The following SYT6 variants were observed in gnomAD, a reference collection of about 807,000 sequenced individuals.
SYT6 encodes the protein synaptotagmin 6.
A neutral mutation model predicts 38.4 loss-of-function variants in SYT6; 24 were observed. The observed-to-expected ratio is 0.62, with a 90% confidence interval of 0.45 to 0.88. The LOEUF (loss-of-function observed/expected upper bound fraction) is 0.88, where lower values mean the gene tolerates loss of function less well. Ranked by LOEUF, SYT6 falls within the 40% of genes least tolerant of loss-of-function variation. The pLI is 0.00. For missense variants in SYT6, 611 were observed against 621.0 expected (o/e 0.98, Z 0.17); for synonymous variants, 265 against 241.9 (o/e 1.10, Z -0.89).
chr1:114,112,973 G>T (rs140859754), intron 3 of SYT6, among the ~76,000 whole-genome samples: 1 of 152,304 alleles, frequency 6.6e-6, no homozygotes, highest in African/African-American at 2.4e-5. Flanking sequence ...GTCTCCTGGG[G>T]CAGCTGAGGA....
intron 3 of SYT6, among the ~76,000 whole-genome samples, chr1:114,124,696 C>T (rs994443177): frequency 4.6e-5 from 7 of 152,114 alleles, no homozygotes; most frequent in Non-Finnish European, 5.9e-5. Flanking sequence ...AGAGGTGGAA[C>T]GTTGGTGGCA....
chr1:114,124,505 G>C (rs1040324175), intron 3 of SYT6, among the ~76,000 whole-genome samples: 1 of 152,114 alleles, frequency 6.6e-6, no homozygotes, highest in Admixed American at 6.5e-5. Context: ...GCTGGGGGCA[G>C]GTGCCCACCA....
At chr1:114,098,725 C>G (rs1320996395) in intron 5 of SYT6, among the ~76,000 whole-genome samples, 6 of 152,162 alleles carry the variant, frequency 3.9e-5, no homozygotes, top group Non-Finnish European at 1.5e-5. Flanking sequence ...GGAGGCTGCA[C>G]AGCCATCCCA....
intron 3 of SYT6, among the ~76,000 whole-genome samples, chr1:114,110,886 G>C (rs1165097155): frequency 6.6e-6 from 1 of 152,240 alleles, no homozygotes; most frequent in Middle Eastern, 3.4e-3. Context: ...CCTCCTTGCT[G>C]TAACCAGGTG....
intron 4 of SYT6, 130 bp downstream of exon 4, chr1:114,103,471 C>T: frequency 1.6e-6 from 2 of 1,287,734 alleles, no homozygotes; most frequent in South Asian, 3.1e-5. Flanking sequence ...AATTCGAATC[C>T]AGGCAGTTTG....
At chr1:114,107,281 G>T (rs1676383248) in intron 3 of SYT6, among the ~76,000 whole-genome samples, 29 of 152,232 alleles carry the variant, frequency 1.9e-4, no homozygotes, top group Admixed American at 1.9e-3. Context: ...GCTCCCTCCA[G>T]GGGAGCAGTG....
chr1:114,146,778 C>G (rs540929236), intron 1 of SYT6, among the ~76,000 whole-genome samples: 1 of 152,336 alleles, frequency 6.6e-6, no homozygotes, highest in African/African-American at 2.4e-5. Flanking sequence ...GCCTCACTAA[C>G]AGTCTACCTC....
chr1:114,147,062 A>G (rs1653772866), intron 1 of SYT6, among the ~76,000 whole-genome samples: 2 of 152,268 alleles, frequency 1.3e-5, no homozygotes, highest in African/African-American at 2.4e-5. Context: ...ACCATTGAAC[A>G]TTAATCAACA....
In SYT6 at chr1:114,097,932, G is replaced by A. The variant is rs540850304; in HGVS notation, c.1365-55C>T. The A allele has an allele frequency of 3.7e-6, 6 of 1,600,180 alleles. No individual in the cohort carries two copies. The Admixed American group carries it at 8.4e-5, about 22-fold the overall frequency. On this transcript the variant is annotated intron_variant, in intron 5 of 7. Transcript: ENST00000610222. The stretch of plus-strand genomic sequence containing the variant: ...GCTACCAGACATGCCCTCAGAAAAG[G>A]AGGTCCAGTGTGGGGGGTGGTAGGA...
At chr1:114,124,011 G>T (rs1011707593) in intron 3 of SYT6, among the ~76,000 whole-genome samples, 3 of 152,078 alleles carry the variant, frequency 2.0e-5, no homozygotes, top group Admixed American at 6.5e-5. Context: ...GGAAGGACTG[G>T]TTCATTCTCA....
intron 3 of SYT6, among the ~76,000 whole-genome samples, chr1:114,126,177 G>A (rs778813006): frequency 6.6e-6 from 1 of 152,146 alleles, no homozygotes; most frequent in Non-Finnish European, 1.5e-5. Flanking sequence ...CCCCAAGCAA[G>A]GTGTGAGACT....
chr1:114,102,772 G>C (rs1214010003), intron 4 of SYT6, among the ~76,000 whole-genome samples: 1 of 152,014 alleles, frequency 6.6e-6, no homozygotes, highest in Non-Finnish European at 1.5e-5. Context: ...GCAATTCTGA[G>C]TGCAGCCCAG....
rs1678566016 is a variant in SYT6, at chr1:114,137,641, C to T, written c.925G>A (p.Asp309Asn). 1 of 1,614,054 alleles carries T rather than the reference C, an allele frequency of 6.2e-7. No homozygotes were observed. Among genetic ancestry groups the T allele is most frequent in the Non-Finnish European group, 8.5e-7 (1 of 1,180,034 alleles). ...HFPVPYEELA[D>N]RKLHLSVFDF... The stretch of plus-strand genomic sequence containing the variant: ...AAGACACTGAGATGCAGCTTGCGGT[C>T]AGCCAGCTCCTCATAGGGCACAGGG... The change falls in exon 3 of 8, where the codon GAC becomes AAC. Residue 309 changes from aspartate (D) to asparagine (N), a missense_variant. Asp to Asn is a conservative substitution (Grantham distance 23, BLOSUM62 1). Transcript: ENST00000610222.
intron 6 of SYT6, among the ~76,000 whole-genome samples, chr1:114,096,462 C>T (rs1462277566): frequency 2.0e-5 from 3 of 152,226 alleles, no homozygotes; most frequent in Admixed American, 6.5e-5. Flanking sequence ...AGAGCACATG[C>T]TGCCTGTCTA....
intron 3 of SYT6, among the ~76,000 whole-genome samples, chr1:114,130,303 A>T (rs1188028375): frequency 2.3e-4 from 35 of 152,164 alleles, no homozygotes; most frequent in Non-Finnish European, 2.9e-5. Context: ...AAGAGCAGGG[A>T]CTTTGTTGAC....
At position 114,143,555 on chromosome 1, in the gene SYT6, T is replaced by TGC. The variant is rs1404544549; in HGVS notation, c.164-3594_164-3593dup. Among the ~76,000 whole-genome samples the TGC allele has an allele frequency of 3.9e-5, 4 of 103,456 alleles. No homozygotes were observed. The South Asian group carries it at 1.1e-3, about 28-fold the overall frequency. The allele number at this position is 103,456 out of a possible 152,430, so 67.9% of individuals were successfully genotyped here. A position where few individuals can be genotyped will look rare whatever the true frequency, so the allele number is the denominator to read the frequency against. ...ACATATAAGTTATATATAACTTATG[T>TGC]GCATGTGTGTGTGTGTGTGTATATA... On this transcript the variant is annotated intron_variant, in intron 1 of 7. Coordinates refer to ENST00000610222, the MANE Select transcript of SYT6 (RefSeq NM_001253772.2).
At chr1:114,143,010 C>T (rs1678945400) in intron 1 of SYT6, among the ~76,000 whole-genome samples, 6 of 151,390 alleles carry the variant, frequency 4.0e-5, no homozygotes, top group Admixed American at 4.0e-4. Flanking sequence ...ATAGTGATTC[C>T]TCTGATGGAT....
Position 114,103,640 on chromosome 1 carries a change from A to G in SYT6, c.1153T>C (p.Cys385Arg). ...AGRLTLTVIKCRNLKAMDITG... is the reference protein window; with the variant it reads ...AGRLTLTVIKRRNLKAMDITG... ...ATGTCCATCGCCTTGAGGTTCCGACACTTAATCACTGTGAGGGTGAGCCTG... is the reference window on the plus strand; with the variant it reads ...ATGTCCATCGCCTTGAGGTTCCGACGCTTAATCACTGTGAGGGTGAGCCTG... The change falls in exon 4 of 8, where the codon TGT becomes CGT. Residue 385 changes from cysteine (C) to arginine (R), a missense_variant. By Grantham distance (180) the Cys-to-Arg change is radical. Coordinates refer to ENST00000610222, the MANE Select transcript of SYT6 (RefSeq NM_001253772.2). 1.2e-6 allele frequency: 2 copies of G among 1,614,174 alleles called. No individual in the cohort carries two copies. The highest frequency in any genetic ancestry group is 1.7e-6 in the Non-Finnish European group (2 of 1,180,026).
At position 114,129,564 on chromosome 1, in the gene SYT6, TTTTCTTTCTTTCTTTC is replaced by T. The variant is rs58281086; in HGVS notation, c.1071+7915_1071+7930del. On this transcript the variant is annotated intron_variant, in intron 3 of 7. Coordinates refer to ENST00000610222, the MANE Select transcript of SYT6 (RefSeq NM_001253772.2). ...TTTTTTTTCTGTCTTTTTTTCTTTC[TTTTCTTTCTTTCTTTC>T]TTTCTTTCTTTCTTTCTTTCTTTCT... Among the ~76,000 whole-genome samples, 408 of 113,008 alleles carry T rather than the reference TTTTCTTTCTTTCTTTC, an allele frequency of 3.6e-3. 2 individuals carry two copies. Among genetic ancestry groups the T allele is most frequent in the Middle Eastern group, 0.012 (3 of 256 alleles). The allele number at this position is 113,008 out of a possible 152,430, so 74.1% of individuals were successfully genotyped here.
Sources: gnomAD v4.1 joint callset for allele counts (sites outside exome capture counted in the v4.1 genomes callset) on GRCh38, gnomAD v4.1.1 for gene constraint, MANE v1.5 for transcripts, NCBI Gene and HGNC (gene_info 2026-07-23, HGNC 2026-07-21) for gene names.